The following AOPEP variants were observed in gnomAD, a reference collection of about 807,000 sequenced individuals.
The protein encoded by AOPEP is aminopeptidase O.
Under a neutral mutation model 98.1 loss-of-function variants are expected in AOPEP, and 77 were observed. That is an observed-to-expected ratio of 0.78 (90% CI 0.65 to 0.95). AOPEP has a LOEUF of 0.95. AOPEP is among the 40% of genes least tolerant of loss of function. The pLI is 0.00. For missense variants in AOPEP, 1,024 were observed against 1,024.7 expected, an observed-to-expected ratio of 1.00 and a Z score of 0.01; for synonymous variants, 346 against 365.3, an observed-to-expected ratio of 0.95 and a Z score of 0.60.
intron 10 of AOPEP, among the ~76,000 whole-genome samples, chr9:94,977,181 T>A (rs1395940005): frequency 6.6e-6 from 1 of 152,068 alleles, no homozygotes; most frequent in East Asian, 1.9e-4. Flanking sequence ...TTTTATAAAG[T>A]GCATTGAAAG....
At chr9:94,792,191 C>G (rs960619299) in intron 3 of AOPEP, among the ~76,000 whole-genome samples, 1 of 152,186 alleles carries the variant, frequency 6.6e-6, no homozygotes, top group African/African-American at 2.4e-5. Context: ...AAACAGATAA[C>G]AGGGACTAAG....
At chr9:95,006,511 A>C (rs2062032956) in intron 13 of AOPEP, among the ~76,000 whole-genome samples, 1 of 152,210 alleles carries the variant, frequency 6.6e-6, no homozygotes, top group African/African-American at 2.4e-5. Flanking sequence ...TGCACAAAGC[A>C]CATCAGAATA....
At chr9:95,050,565 A>C (rs977559319) in intron 13 of AOPEP, among the ~76,000 whole-genome samples, 2 of 152,144 alleles carry the variant, frequency 1.3e-5, no homozygotes, top group Admixed American at 6.5e-5. Context: ...ATTTTTATTA[A>C]ATGAAAACAA....
intron 5 of AOPEP, among the ~76,000 whole-genome samples, chr9:94,818,448 G>A (rs1852184523): frequency 6.6e-6 from 1 of 152,166 alleles, no homozygotes; most frequent in South Asian, 2.1e-4. Context: ...CAATATGAAA[G>A]GTTTGTTACA....
chr9:94,742,158 A>G (rs77451495), intron 1 of AOPEP, among the ~76,000 whole-genome samples: 1 of 152,256 alleles, frequency 6.6e-6, no homozygotes, highest in Non-Finnish European at 1.5e-5. Context: ...GTTGCAGTCA[A>G]TACAGAGAAG....
intron 1 of AOPEP, among the ~76,000 whole-genome samples, chr9:94,751,194 C>T (rs533553240): frequency 6.6e-6 from 1 of 152,108 alleles, no homozygotes; most frequent in Non-Finnish European, 1.5e-5. Context: ...CACGTGTTGG[C>T]GCCTTACAGT....
In AOPEP at chr9:95,041,446, G is replaced by GTGTGTGTGTGTGTGTGT. The variant is rs200579150; in HGVS notation, c.2116-19248_2116-19247insTGTGTGTGTGTGTGTGT. On this transcript the variant is annotated intron_variant, in intron 13 of 16. Coordinates refer to ENST00000375315, the MANE Select transcript of AOPEP (RefSeq NM_001193329.3). ...ATACTGTGTACTCAGAGTCCTTGGG[G>GTGTGTGTGTGTGTGTGT]GTGTGTGTGTGTGTGTGTGTGTGTG... is the stretch of plus-strand genomic sequence containing the variant. Among the ~76,000 whole-genome samples, 550 of 142,084 alleles carry GTGTGTGTGTGTGTGTGT rather than the reference G, an allele frequency of 3.9e-3. 4 individuals carry two copies. Among genetic ancestry groups the GTGTGTGTGTGTGTGTGT allele is most frequent in the African/African-American group, 0.011 (415 of 38,116 alleles). The allele number at this position is 142,084 out of a possible 152,430, so 93.2% of individuals were successfully genotyped here.
chr9:94,943,949 A>G (rs2057336285), intron 7 of AOPEP, among the ~76,000 whole-genome samples: 1 of 148,728 alleles, frequency 6.7e-6, no homozygotes, highest in Non-Finnish European at 1.5e-5. Context: ...AAAAAAAAAC[A>G]GGTCAATCTA....
the AOPEP span, chr9:95,101,855 A>C: frequency 8.1e-6 from 13 of 1,613,862 alleles, no homozygotes; most frequent in Non-Finnish European, 1.1e-5. Flanking sequence ...AGCCATCTGC[A>C]ATCAGGACAG....
intron 13 of AOPEP, among the ~76,000 whole-genome samples, chr9:95,044,868 G>C (rs2065694539): frequency 6.6e-6 from 1 of 152,136 alleles, no homozygotes; most frequent in South Asian, 2.1e-4. Context: ...AGAGTGGAGA[G>C]CTTACTTGGC....
intron 16 of AOPEP, chr9:95,085,411 C>G (rs1414999633): frequency 3.8e-6 from 2 of 522,694 alleles, no homozygotes; most frequent in South Asian, 1.4e-5. Context: ...AAGATGCTCA[C>G]CGGTCACCGT....
At chr9:94,767,040 C>A (rs957012491) in intron 2 of AOPEP, among the ~76,000 whole-genome samples, 5 of 152,052 alleles carry the variant, frequency 3.3e-5, no homozygotes, top group African/African-American at 1.2e-4. Flanking sequence ...ATATCTCACT[C>A]TAAAGGAAAG....
At chr9:94,803,956 C>G (rs1848708011) in intron 5 of AOPEP, among the ~76,000 whole-genome samples, 1 of 152,176 alleles carries the variant, frequency 6.6e-6, no homozygotes, top group African/African-American at 2.4e-5. Context: ...CTTGACTTGA[C>G]TACTATGATG....
intron 5 of AOPEP, among the ~76,000 whole-genome samples, chr9:94,840,479 G>T (rs1407357182): frequency 6.6e-6 from 1 of 152,172 alleles, no homozygotes; most frequent in Non-Finnish European, 1.5e-5. Context: ...CTCTTGACTG[G>T]TGTTAATATC....
chr9:94,824,561 A>G (rs1018984795), intron 5 of AOPEP: 2 of 152,248 alleles, frequency 1.3e-5, no homozygotes, highest in Non-Finnish European at 2.9e-5. Flanking sequence ...GTTGCTGCAT[A>G]GCTCAGTTAA....
In AOPEP at chr9:95,076,746, A is replaced by T. The variant is rs191952634; in HGVS notation, c.2233-3948A>T. 1.2e-4 allele frequency among the ~76,000 whole-genome samples: 19 copies of T among 152,342 alleles called. 1 individual carries two copies. Among genetic ancestry groups the T allele is most frequent in the Admixed American group, 9.1e-4 (14 of 15,304 alleles). ...CTGAAGGCAGTCTCTGGGCATAGGG[A>T]TGAGGGGAAGACCTTACCGTATTTT... On this transcript the variant is annotated intron_variant, in intron 14 of 16. Transcript: ENST00000375315.
At chr9:95,108,668 CAT>C in the AOPEP span, among the ~76,000 whole-genome samples, 1 of 152,092 alleles carries the variant, frequency 6.6e-6, no homozygotes, top group African/African-American at 2.4e-5. Flanking sequence ...ATTATAAAGA[CAT>C]ATATGCTTAC....
Position 94,979,412 on chromosome 9 carries a change from T to G in AOPEP, c.1962T>G (p.Ser654Arg). 1.3e-6 allele frequency: 2 copies of G among 1,599,214 alleles called. No homozygotes were observed. The highest frequency in any genetic ancestry group is 2.2e-5 in the South Asian group (2 of 89,104). ...VENIYQDWLE[S>R]SGIPKPLQRE... ...ACATCTACCAAGACTGGCTTGAGAG[T>G]TCCGGAATACCAAAGGTAACTCAAG... is the stretch of plus-strand genomic sequence containing the variant. Residue 654 changes from serine (S) to arginine (R), a missense_variant, in exon 11 of 17, where the codon AGT (serine) becomes AGG (arginine). Around this residue, in one of 3 missense-constraint regions of AOPEP, gnomAD observed 566 missense variants for 551.7 expected, o/e 1.03. Transcript: ENST00000375315.
chr9:95,008,981 C>T (rs538250301), intron 13 of AOPEP, among the ~76,000 whole-genome samples: 23 of 152,220 alleles, frequency 1.5e-4, no homozygotes, highest in African/African-American at 5.3e-4. Flanking sequence ...TATTCTGATA[C>T]TCTTTTTTAT....
Sources: allele counts gnomAD v4.1 joint callset (sites outside exome capture counted in the v4.1 genomes callset), GRCh38; gene constraint gnomAD v4.1.1; regional missense constraint gnomAD v4.1.1; transcripts MANE v1.5; gene names NCBI Gene and HGNC (gene_info 2026-07-23, HGNC 2026-07-21).